CSMD3: variants seen among roughly 807,000 people sequenced by gnomAD.
CSMD3 encodes the protein CUB and sushi domain-containing protein 3.
CSMD3 carries 177 observed loss-of-function variants against 435.2 expected under a neutral mutation model. That is an observed-to-expected ratio of 0.41 (90% CI 0.36 to 0.46). The LOEUF (loss-of-function observed/expected upper bound fraction) is 0.46, where lower values mean the gene tolerates loss of function less well. Among genes scored for constraint, CSMD3 ranks in the 20% least tolerant of loss-of-function variants. CSMD3 has a pLI of 0.34. For synonymous variants in CSMD3, 1,656 were observed against 1,520.5 expected (o/e 1.09, Z -2.07); for missense variants, 4,265 against 4,504.6 (o/e 0.95, Z 1.52).
chr8:113,213,841 A>G (rs1344419177), intron 3 of CSMD3, among the ~76,000 whole-genome samples: 1 of 152,044 alleles, frequency 6.6e-6, no homozygotes, highest in Non-Finnish European at 1.5e-5. Context: ...ATTTTAAAAT[A>G]GATAATTAGT....
intron 12 of CSMD3, 109 bp from the exon 13 acceptor site, chr8:112,800,383 T>C: frequency 1.3e-6 from 1 of 786,116 alleles, no homozygotes; most frequent in Non-Finnish European, 2.2e-6. Context: ...GAAAAAAAAG[T>C]CAGATAAACA....
At chr8:112,797,636 A>G (rs2078859564) in intron 13 of CSMD3, among the ~76,000 whole-genome samples, 2 of 151,870 alleles carry the variant, frequency 1.3e-5, no homozygotes, top group South Asian at 4.1e-4. Context: ...ACAAATCTGG[A>G]AAGGTTTTTA....
intron 32 of CSMD3, among the ~76,000 whole-genome samples, chr8:112,439,721 A>G (rs1184603783): frequency 6.6e-6 from 1 of 152,122 alleles, no homozygotes; most frequent in African/African-American, 2.4e-5. Context: ...ACATAATGTC[A>G]GGAAGAAGAA....
At chr8:112,591,699 G>A (rs1831206179) in intron 22 of CSMD3, among the ~76,000 whole-genome samples, 1 of 151,980 alleles carries the variant, frequency 6.6e-6, no homozygotes, top group Non-Finnish European at 1.5e-5. Context: ...GTAGCATTAA[G>A]CAGAAATATA....
chr8:112,931,656 A>C (rs1277421033), intron 9 of CSMD3, among the ~76,000 whole-genome samples: 1 of 152,164 alleles, frequency 6.6e-6, no homozygotes, highest in Non-Finnish European at 1.5e-5. Context: ...CAAAGTAAAA[A>C]GACAACCTGT....
At chr8:112,242,395 T>C (rs1814255474) in intron 65 of CSMD3, among the ~76,000 whole-genome samples, 1 of 152,048 alleles carries the variant, frequency 6.6e-6, no homozygotes, top group South Asian at 2.1e-4. Flanking sequence ...TAAAAGACTG[T>C]AAAGGGATGT....
intron 10 of CSMD3, among the ~76,000 whole-genome samples, chr8:112,907,140 T>C (rs1440421435): frequency 1.3e-5 from 2 of 151,484 alleles, no homozygotes; most frequent in Non-Finnish European, 1.5e-5. Context: ...GAAAATTCTT[T>C]AGACAAAATC....
intron 32 of CSMD3, among the ~76,000 whole-genome samples, chr8:112,442,765 A>G (rs1274651110): frequency 6.6e-6 from 1 of 152,156 alleles, no homozygotes; most frequent in Non-Finnish European, 1.5e-5. Context: ...TCCGTGTCCC[A>G]TTCTTAAAAG....
At chr8:112,584,755 C>T (rs747429198) in intron 23 of CSMD3, among the ~76,000 whole-genome samples, 7 of 151,130 alleles carry the variant, frequency 4.6e-5, no homozygotes, top group Non-Finnish European at 8.9e-5. Context: ...AGTCAAGGGG[C>T]AGCAGATTTT....
intron 7 of CSMD3, among the ~76,000 whole-genome samples, chr8:112,958,527 G>A (rs944180285): frequency 3.3e-5 from 5 of 152,028 alleles, no homozygotes; most frequent in African/African-American, 4.8e-5. Flanking sequence ...TCACTGTGGC[G>A]TCTTCCAGGT....
chr8:112,858,748 T>C (rs1000977265), intron 11 of CSMD3, among the ~76,000 whole-genome samples: 3 of 151,796 alleles, frequency 2.0e-5, no homozygotes, highest in Admixed American at 6.6e-5. Context: ...ATGTGATATA[T>C]AGCAATAGAG....
intron 13 of CSMD3, among the ~76,000 whole-genome samples, chr8:112,690,997 T>A (rs778057498): frequency 1.3e-5 from 2 of 152,282 alleles, no homozygotes; most frequent in South Asian, 2.1e-4. Context: ...TTAATGTGTA[T>A]CTTTCCAGTT....
chr8:112,802,711 T>G (rs1028866295), intron 12 of CSMD3, among the ~76,000 whole-genome samples: 39 of 151,978 alleles, frequency 2.6e-4, no homozygotes, highest in Non-Finnish European at 5.0e-4. Context: ...TAGTTTTGAA[T>G]TGAGTAGACC....
intron 2 of CSMD3, among the ~76,000 whole-genome samples, chr8:113,306,233 A>G (rs542821767): frequency 6.6e-6 from 1 of 152,322 alleles, no homozygotes; most frequent in Admixed American, 6.5e-5. Flanking sequence ...CCATTGAGTC[A>G]GACAGTAGAG....
chr8:112,568,171 T>G (rs1393162849), intron 24 of CSMD3, among the ~76,000 whole-genome samples: 1 of 152,198 alleles, frequency 6.6e-6, no homozygotes, highest in African/African-American at 2.4e-5. Flanking sequence ...GTCCACACTT[T>G]AATTGTCAGA....
intron 28 of CSMD3, among the ~76,000 whole-genome samples, chr8:112,516,107 A>G (rs777750631): frequency 2.6e-5 from 4 of 152,100 alleles, no homozygotes; most frequent in African/African-American, 9.7e-5. Context: ...AAAATAAGTC[A>G]CTGTGAAGTT....
At chr8:112,718,483 C>G (rs2076783006) in intron 13 of CSMD3, among the ~76,000 whole-genome samples, 1 of 150,364 alleles carries the variant, frequency 6.7e-6, no homozygotes, top group Non-Finnish European at 1.5e-5. Flanking sequence ...TGAACAATTC[C>G]TGTTCTAATG....
chr8:113,243,772 TA>T (rs1435881313), intron 3 of CSMD3, among the ~76,000 whole-genome samples: 7 of 152,146 alleles, frequency 4.6e-5, no homozygotes, highest in Admixed American at 3.3e-4. Flanking sequence ...TGTCAACACT[TA>T]CTATTGTGTA....
chr8:112,526,864 T>C (rs1373423255), intron 27 of CSMD3, among the ~76,000 whole-genome samples: 1 of 151,948 alleles, frequency 6.6e-6, no homozygotes, highest in African/African-American at 2.4e-5. Context: ...GGTTCTTACA[T>C]TATATGTGAG....
Sources: gnomAD v4.1 joint callset for allele counts (sites outside exome capture counted in the v4.1 genomes callset) on GRCh38, gnomAD v4.1.1 for gene constraint, MANE v1.5 for transcripts, NCBI Gene and HGNC (gene_info 2026-07-23, HGNC 2026-07-21) for gene names.